The following PLEKHG1 variants were observed in gnomAD, a reference collection of about 807,000 sequenced individuals.
PLEKHG1 encodes the protein pleckstrin homology and RhoGEF domain containing G1, also known as pleckstrin homology domain-containing family G member 1.
PLEKHG1 carries 44 observed loss-of-function variants against 100.8 expected under a neutral mutation model. The observed-to-expected ratio is 0.44, with a 90% CI of 0.34 to 0.56. The LOEUF (loss-of-function observed/expected upper bound fraction) is 0.56, where lower values mean the gene tolerates loss of function less well. Ranked by LOEUF, PLEKHG1 falls within the 20% of genes least tolerant of loss-of-function variation. The pLI is 0.01. For missense variants in PLEKHG1, 1,545 were observed against 1,720.9 expected (o/e 0.90, Z 1.81); for synonymous variants, 640 against 662.5 (o/e 0.97, Z 0.52).
chr6:150,676,480 T>C (rs1264904569), intron 3 of PLEKHG1, among the ~76,000 whole-genome samples: 2 of 152,230 alleles, frequency 1.3e-5, no homozygotes, highest in East Asian at 3.8e-4. Context: ...GTAAACTATG[T>C]AATCCTTTTG....
chr6:150,655,707 C>CAAAAAAA (rs775753925), intron 3 of PLEKHG1, among the ~76,000 whole-genome samples: 122 of 38,154 alleles, frequency 3.2e-3, no homozygotes, highest in Non-Finnish European at 4.3e-3. Context: ...GACTCCATCT[C>CAAAAAAA]AAAAAAAAAA....
intron 10 of PLEKHG1, among the ~76,000 whole-genome samples, chr6:150,814,177 A>G (rs756322399): frequency 2.6e-5 from 4 of 152,184 alleles, no homozygotes; most frequent in Non-Finnish European, 5.9e-5. Flanking sequence ...ATGATTAGTC[A>G]TTTTGTTGCT....
intron 3 of PLEKHG1, among the ~76,000 whole-genome samples, chr6:150,664,989 T>C (rs1027780407): frequency 5.9e-5 from 9 of 152,172 alleles, no homozygotes; most frequent in African/African-American, 1.9e-4. Flanking sequence ...CTGCTGAGAA[T>C]GGCTTCCAAG....
chr6:150,821,996 C>T (rs143243506), intron 13 of PLEKHG1, among the ~76,000 whole-genome samples: 3,297 of 150,718 alleles, frequency 0.022, 55 homozygotes, highest in Non-Finnish European at 0.034. Context: ...CATGTGCCAC[C>T]GCGCCTGGCT....
chr6:150,776,387 C>T (rs1784960765), intron 3 of PLEKHG1, among the ~76,000 whole-genome samples: 3 of 152,200 alleles, frequency 2.0e-5, no homozygotes, highest in Non-Finnish European at 4.4e-5. Context: ...CTGATGCAAT[C>T]CTGGTGCACA....
intron 1 of PLEKHG1, among the ~76,000 whole-genome samples, chr6:150,636,884 C>G (rs1038862966): frequency 6.6e-6 from 1 of 152,196 alleles, no homozygotes; most frequent in Admixed American, 6.5e-5. Context: ...CAACTTATTT[C>G]TTTTCTAAAG....
chr6:150,835,440 ATGT>A (rs1451210902), intron 15 of PLEKHG1, among the ~76,000 whole-genome samples: 3 of 152,128 alleles, frequency 2.0e-5, no homozygotes, highest in African/African-American at 7.2e-5. Flanking sequence ...GAGGATTAAA[ATGT>A]TGTTTGATAT....
At chr6:150,693,791 T>A (rs1780435955) in intron 3 of PLEKHG1, among the ~76,000 whole-genome samples, 1 of 152,188 alleles carries the variant, frequency 6.6e-6, no homozygotes, top group South Asian at 2.1e-4. Flanking sequence ...CATACATAAA[T>A]CTTTGCACAA....
At chr6:150,662,201 A>G (rs1170372808) in intron 3 of PLEKHG1, among the ~76,000 whole-genome samples, 2 of 152,206 alleles carry the variant, frequency 1.3e-5, no homozygotes, top group African/African-American at 4.8e-5. Context: ...TCTTCCCAGT[A>G]TGGTTTCCTT....
intron 3 of PLEKHG1, among the ~76,000 whole-genome samples, chr6:150,779,344 G>GTTAGTTTTTTTT (rs1554272274): frequency 7.7e-5 from 8 of 104,536 alleles, no homozygotes; most frequent in African/African-American, 3.4e-4. Flanking sequence ...TTGTCAAGAA[G>GTTAGTTTTTTTT]TTTTTTTTTT....
chr6:150,832,985 TC>T (rs1475763236), intron 15 of PLEKHG1, among the ~76,000 whole-genome samples: 1 of 151,024 alleles, frequency 6.6e-6, no homozygotes, highest in Non-Finnish European at 1.5e-5. Flanking sequence ...CATTGTACTT[TC>T]CTTAGTTGCT....
chr6:150,629,466 C>G (rs937471157), intron 1 of PLEKHG1, among the ~76,000 whole-genome samples: 1 of 151,460 alleles, frequency 6.6e-6, no homozygotes, highest in Non-Finnish European at 1.5e-5. Context: ...AGAAAACCAT[C>G]CTTTTTTTTT....
intron 2 of PLEKHG1, among the ~76,000 whole-genome samples, chr6:150,646,330 G>GGTCT (rs1350592624): frequency 2.1e-5 from 3 of 142,264 alleles, no homozygotes. Context: ...GGCCCTGATT[G>GGTCT]GTCTGGTGTG....
intron 2 of PLEKHG1, among the ~76,000 whole-genome samples, chr6:150,741,782 T>G (rs1724142794): frequency 6.6e-6 from 1 of 152,196 alleles, no homozygotes; most frequent in Admixed American, 6.5e-5. Flanking sequence ...AGGTTCAAAG[T>G]TCAGCCCTCT....
intron 1 of PLEKHG1, among the ~76,000 whole-genome samples, chr6:150,634,823 TACAGAC>T (rs1385746831): frequency 6.6e-6 from 1 of 152,230 alleles, no homozygotes; most frequent in Non-Finnish European, 1.5e-5. Context: ...TGTGGATTCA[TACAGAC>T]ACCAGCATCT....
exon 15 of PLEKHG1, chr6:150,830,871 G>C: frequency 4.3e-6 from 7 of 1,614,164 alleles, no homozygotes; most frequent in South Asian, 1.1e-5. Context: ...CGCCCTTGCA[G>C]CTGGCATATG....
chr6:150,631,117 C>A (rs1777729669), intron 1 of PLEKHG1, among the ~76,000 whole-genome samples: 1 of 152,166 alleles, frequency 6.6e-6, no homozygotes, highest in Non-Finnish European at 1.5e-5. Context: ...CCAAGAAAAT[C>A]TATGCCCAGG....
intron 1 of PLEKHG1, among the ~76,000 whole-genome samples, chr6:150,602,111 A>G (rs1052015202): frequency 6.6e-6 from 1 of 152,224 alleles, no homozygotes; most frequent in Non-Finnish European, 1.5e-5. Context: ...CGAATGGTTC[A>G]TAGTCTGTCC....
intron 15 of PLEKHG1, among the ~76,000 whole-genome samples, chr6:150,837,225 TTG>T (rs1169026468): frequency 6.6e-6 from 1 of 151,064 alleles, no homozygotes; most frequent in Non-Finnish European, 1.5e-5. Context: ...GCAATACAAA[TTG>T]TGTGTGTCTG....
Sources: allele counts gnomAD v4.1 joint callset (sites outside exome capture counted in the v4.1 genomes callset), GRCh38; gene constraint gnomAD v4.1.1; transcripts MANE v1.5; gene names NCBI Gene and HGNC (gene_info 2026-07-23, HGNC 2026-07-21).